The following PLS1 variants were observed in gnomAD, a reference collection of about 807,000 sequenced individuals.
The protein encoded by PLS1 is plastin-1.
PLS1 carries 32 observed loss-of-function variants against 73.7 expected under a neutral mutation model. That is an observed-to-expected ratio of 0.43 (90% CI 0.33 to 0.58). The LOEUF is 0.58. Among genes scored for constraint, PLS1 ranks in the 20% least tolerant of loss-of-function variants. PLS1 has a pLI of 0.04. For missense variants in PLS1, 633 were observed against 740.5 expected, an observed-to-expected ratio of 0.85 and a Z score of 1.68; for synonymous variants, 217 against 261.3, an observed-to-expected ratio of 0.83 and a Z score of 1.63.
At chr3:142,648,900 A>G (rs1033012576) in intron 1 of PLS1, among the ~76,000 whole-genome samples, 3 of 152,158 alleles carry the variant, frequency 2.0e-5, no homozygotes, top group Non-Finnish European at 4.4e-5. Context: ...AATCTAACTA[A>G]CTTAAAGGGA....
At chr3:142,665,167 C>T (rs112094605) in intron 2 of PLS1, among the ~76,000 whole-genome samples, 2,738 of 151,642 alleles carry the variant, frequency 0.018, 81 homozygotes, top group African/African-American at 0.062. Context: ...AAATGATCAC[C>T]GCTGGTCTTG....
chr3:142,617,964 C>T (rs1222924555), intron 1 of PLS1, among the ~76,000 whole-genome samples: 4 of 151,988 alleles, frequency 2.6e-5, no homozygotes, highest in Non-Finnish European at 4.4e-5. Flanking sequence ...GGCAACAGAG[C>T]GAGACTCTGT....
intron 8 of PLS1, among the ~76,000 whole-genome samples, chr3:142,684,857 G>C (rs2037930489): frequency 6.6e-6 from 1 of 152,162 alleles, no homozygotes; most frequent in Admixed American, 6.5e-5. Flanking sequence ...GCCTTAACCA[G>C]GGTAGCTTAA....
chr3:142,614,364 C>T (rs960871077), intron 1 of PLS1, among the ~76,000 whole-genome samples: 1 of 150,892 alleles, frequency 6.6e-6, no homozygotes, highest in Non-Finnish European at 1.5e-5. Flanking sequence ...TTCAGGTATG[C>T]TCTGTGGAAG....
intron 1 of PLS1, among the ~76,000 whole-genome samples, chr3:142,630,615 G>A (rs983766999): frequency 6.6e-6 from 1 of 151,964 alleles, no homozygotes; most frequent in African/African-American, 2.4e-5. Flanking sequence ...GCCGGTCATG[G>A]TGGTGAGTGT....
At chr3:142,655,500 C>T (rs1036866640) in intron 1 of PLS1, among the ~76,000 whole-genome samples, 4 of 151,850 alleles carry the variant, frequency 2.6e-5, no homozygotes, top group Non-Finnish European at 5.9e-5. Context: ...GTGGGTGGAT[C>T]GGCTGAGGTC....
At chr3:142,671,299 A>G (rs1373888324) in intron 4 of PLS1, among the ~76,000 whole-genome samples, 177 bp downstream of exon 4, 1 of 152,204 alleles carries the variant, frequency 6.6e-6, no homozygotes, top group Non-Finnish European at 1.5e-5. Flanking sequence ...AATACATCTC[A>G]GTTTCACAGA....
At chr3:142,671,467 T>C (rs946090695) in intron 4 of PLS1, among the ~76,000 whole-genome samples, 1 of 152,196 alleles carries the variant, frequency 6.6e-6, no homozygotes, top group African/African-American at 2.4e-5. Context: ...CTTTTCATCC[T>C]GACTGATGAG....
chr3:142,664,379 CT>C, intron 2 of PLS1, 72 bp downstream of exon 2: 1 of 760,638 alleles, frequency 1.3e-6, no homozygotes, highest in Non-Finnish European at 2.2e-6. Flanking sequence ...GGAAAAATAC[CT>C]TTTATTTCAT....
chr3:142,711,763 TTAACC>T, intron 15 of PLS1, 104 bp from the exon 16 acceptor site: 1 of 1,396,190 alleles, frequency 7.2e-7, no homozygotes, highest in Non-Finnish European at 9.9e-7. Flanking sequence ...ACTCACAAAC[TTAACC>T]TTTTCGTAAA....
intron 2 of PLS1, among the ~76,000 whole-genome samples, chr3:142,666,622 T>C (rs2037485420): frequency 6.6e-6 from 1 of 152,262 alleles, no homozygotes; most frequent in African/African-American, 2.4e-5. Context: ...TACAAATACC[T>C]GTTGAAGTCC....
chr3:142,648,513 A>G (rs2037008474), intron 1 of PLS1, among the ~76,000 whole-genome samples: 1 of 152,156 alleles, frequency 6.6e-6, no homozygotes, highest in South Asian at 2.1e-4. Context: ...CCAGGATTTG[A>G]AAATAGAGAA....
At chr3:142,626,166 A>G (rs1310397810) in intron 1 of PLS1, among the ~76,000 whole-genome samples, 1 of 152,212 alleles carries the variant, frequency 6.6e-6, no homozygotes, top group Non-Finnish European at 1.5e-5. Context: ...TCCCAAGTAG[A>G]GCACAGACAG....
At chr3:142,708,215 C>T (rs1207808143) in intron 14 of PLS1, among the ~76,000 whole-genome samples, 1 of 152,054 alleles carries the variant, frequency 6.6e-6, no homozygotes, top group African/African-American at 2.4e-5. Flanking sequence ...CTGGTGTCCA[C>T]ATCACTGTTT....
At chr3:142,655,485 C>G (rs2037206595) in intron 1 of PLS1, among the ~76,000 whole-genome samples, 1 of 152,004 alleles carries the variant, frequency 6.6e-6, no homozygotes, top group Non-Finnish European at 1.5e-5. Flanking sequence ...CTTTGGGAGG[C>G]TGAGGTGGGT....
intron 1 of PLS1, among the ~76,000 whole-genome samples, chr3:142,647,341 A>G (rs1435474111): frequency 6.6e-6 from 1 of 152,216 alleles, no homozygotes; most frequent in Non-Finnish European, 1.5e-5. Flanking sequence ...ATACTTAAAA[A>G]TTACAAGGTG....
At chr3:142,627,866 A>G (rs1025754841) in intron 1 of PLS1, 1 of 151,932 alleles carries the variant, frequency 6.6e-6, no homozygotes, top group Non-Finnish European at 1.5e-5. Flanking sequence ...CCTGGCCTCA[A>G]GCAATCCACC....
At position 142,621,637 on chromosome 3, in the gene PLS1, A is replaced by C. The variant is rs972225238; in HGVS notation, c.-37+25128A>C. Among the ~76,000 whole-genome samples, 12 of 152,144 alleles carry C rather than the reference A, an allele frequency of 7.9e-5. No homozygotes were observed. The South Asian group carries it at 8.3e-4, about 11-fold the overall frequency. On this transcript the variant is annotated intron_variant, in intron 1 of 15. Coordinates refer to ENST00000457734, the MANE Select transcript of PLS1 (RefSeq NM_001145319.2). ...AGAAGAAAGATTGAAAATTTATAAC[A>C]TTTTGGCCTTGGTTATTTCTGAATG...
intron 1 of PLS1, among the ~76,000 whole-genome samples, chr3:142,628,208 A>G (rs911180451): frequency 3.3e-5 from 5 of 152,158 alleles, no homozygotes; most frequent in African/African-American, 1.2e-4. Context: ...GGACTCGGGC[A>G]CACTGAAAAT....
Sources: allele counts gnomAD v4.1 joint callset (sites outside exome capture counted in the v4.1 genomes callset), GRCh38; gene constraint gnomAD v4.1.1; transcripts MANE v1.5; gene names NCBI Gene and HGNC (gene_info 2026-07-23, HGNC 2026-07-21).